CTNNA3: variants seen among roughly 807,000 people sequenced by gnomAD.
The protein encoded by CTNNA3 is catenin alpha 3.
In CTNNA3, 76 loss-of-function variants were observed where a neutral mutation model predicts 95.7. The ratio of observed to expected loss-of-function variants is 0.79; its 90% CI spans 0.66 to 0.96. CTNNA3 has a LOEUF of 0.96. Among genes scored for constraint, CTNNA3 ranks in the 40% least tolerant of loss-of-function variants. The probability of loss-of-function intolerance (pLI) is 0.00; values close to 1 mark genes in which losing one functional copy is unlikely to be tolerated. For missense variants in CTNNA3, 1,191 were observed against 1,089.8 expected (o/e 1.09, Z -1.31); for synonymous variants, 431 against 374.4 (o/e 1.15, Z -1.74).
intron 9 of CTNNA3, among the ~76,000 whole-genome samples, chr10:66,651,800 G>GGCCCTTGATTGCGGCACACAGCAGC (rs138035312): frequency 2.6e-5 from 4 of 151,348 alleles, no homozygotes; most frequent in African/African-American, 9.7e-5. Flanking sequence ...AACCCGCATT[G>GGCCCTTGATTGCGGCACACAGCAGC]GCCGGTTCCC....
chr10:67,209,187 T>G (rs1245040927), intron 6 of CTNNA3, among the ~76,000 whole-genome samples: 1 of 152,086 alleles, frequency 6.6e-6, no homozygotes, highest in Non-Finnish European at 1.5e-5. Context: ...TAGCTGGTTT[T>G]ACAGGCACAC....
intron 9 of CTNNA3, among the ~76,000 whole-genome samples, chr10:66,721,483 G>T (rs146486259): frequency 3.9e-5 from 6 of 152,082 alleles, no homozygotes; most frequent in East Asian, 3.8e-4. Flanking sequence ...TTACTAATGG[G>T]CATAAATAAT....
intron 9 of CTNNA3, among the ~76,000 whole-genome samples, chr10:66,743,276 A>C (rs547133829): frequency 6.6e-6 from 1 of 152,320 alleles, no homozygotes; most frequent in East Asian, 1.9e-4. Flanking sequence ...GTAGATACAG[A>C]ATAGTACCTA....
chr10:67,257,433 T>C (rs772905373), intron 5 of CTNNA3, among the ~76,000 whole-genome samples: 3 of 152,234 alleles, frequency 2.0e-5, no homozygotes, highest in Non-Finnish European at 2.9e-5. Flanking sequence ...ACCTGAGCAG[T>C]GTTCTTGTTT....
chr10:67,508,962 C>T (rs767774304), intron 5 of CTNNA3, among the ~76,000 whole-genome samples: 2 of 151,930 alleles, frequency 1.3e-5, no homozygotes, highest in African/African-American at 2.4e-5. Flanking sequence ...CTGCAACCTC[C>T]GCCTCCTGGG....
At chr10:66,106,477 A>C (rs1331926308) in intron 13 of CTNNA3, among the ~76,000 whole-genome samples, 1 of 151,940 alleles carries the variant, frequency 6.6e-6, no homozygotes, top group Non-Finnish European at 1.5e-5. Context: ...CCTGAATTTG[A>C]GTTCTGGTCC....
intron 14 of CTNNA3, among the ~76,000 whole-genome samples, chr10:66,077,899 T>A (rs2080604896): frequency 6.6e-6 from 1 of 151,754 alleles, no homozygotes; most frequent in Non-Finnish European, 1.5e-5. Flanking sequence ...GAAGGGTTGG[T>A]AAATTTGTTT....
rs572440652 is a variant in CTNNA3, at chr10:66,224,352, C to T, written c.1884+56118G>A. On this transcript the variant is annotated intron_variant, in intron 13 of 17. Coordinates refer to ENST00000433211, the MANE Select transcript of CTNNA3 (RefSeq NM_013266.4). ...ATCCAGTGGAGATTCAAACTAATGCCTGACACATTTTATACTCCACGCTTT... is the reference window on the plus strand; with the variant it reads ...ATCCAGTGGAGATTCAAACTAATGCTTGACACATTTTATACTCCACGCTTT... Among the ~76,000 whole-genome samples, 12 of 152,296 alleles carry T rather than the reference C, an allele frequency of 7.9e-5. No individual in the cohort carries two copies. In the South Asian group the frequency reaches 2.1e-3, roughly 26 times the overall value.
chr10:67,082,468 A>C (rs1857101451), intron 7 of CTNNA3, among the ~76,000 whole-genome samples: 2 of 152,188 alleles, frequency 1.3e-5, no homozygotes, highest in African/African-American at 4.8e-5. Context: ...ACCCCCAAGC[A>C]GATTTTGCAA....
At chr10:66,851,675 A>G (rs1290195509) in intron 7 of CTNNA3, among the ~76,000 whole-genome samples, 3 of 122,542 alleles carry the variant, frequency 2.4e-5, no homozygotes, top group African/African-American at 9.6e-5. Context: ...CACACACGCC[A>G]TGTGATATGC....
At chr10:66,057,512 T>C (rs2080111127) in intron 15 of CTNNA3, among the ~76,000 whole-genome samples, 1 of 152,226 alleles carries the variant, frequency 6.6e-6, no homozygotes, top group Admixed American at 6.6e-5. Flanking sequence ...AATCATCCTG[T>C]ACATTTTTAT....
At chr10:67,624,193 C>G (rs1843945520) in intron 2 of CTNNA3, among the ~76,000 whole-genome samples, 1 of 152,164 alleles carries the variant, frequency 6.6e-6, no homozygotes, top group South Asian at 2.1e-4. Flanking sequence ...ACTCCCTAAT[C>G]TGCCTAATGT....
chr10:66,282,079 G>C (rs904974230), intron 12 of CTNNA3, among the ~76,000 whole-genome samples: 7 of 151,834 alleles, frequency 4.6e-5, no homozygotes, highest in African/African-American at 1.7e-4. Flanking sequence ...ATTTTGAAGA[G>C]TGGATATATG....
At chr10:66,991,751 T>C (rs1420753269) in intron 7 of CTNNA3, among the ~76,000 whole-genome samples, 1 of 152,206 alleles carries the variant, frequency 6.6e-6, no homozygotes, top group East Asian at 1.9e-4. Flanking sequence ...GCCAGAACTC[T>C]GTGCTGTTTA....
chr10:67,402,695 T>C (rs1290923998), intron 5 of CTNNA3, among the ~76,000 whole-genome samples: 1 of 152,184 alleles, frequency 6.6e-6, no homozygotes, highest in African/African-American at 2.4e-5. Flanking sequence ...ATTTCTCCCA[T>C]GGATCTTTGC....
intron 5 of CTNNA3, among the ~76,000 whole-genome samples, chr10:67,472,155 A>T (rs1184934585): frequency 6.6e-6 from 1 of 152,204 alleles, no homozygotes; most frequent in Non-Finnish European, 1.5e-5. Flanking sequence ...GGAACTCACA[A>T]ACTTTTGAGA....
chr10:67,342,250 C>T (rs12259151), intron 5 of CTNNA3, among the ~76,000 whole-genome samples: 9,540 of 151,604 alleles, frequency 0.063, 408 homozygotes, highest in African/African-American at 0.12. Flanking sequence ...TACAGGCGCC[C>T]ACCACCATGC....
chr10:67,130,445 A>G (rs965050020), intron 7 of CTNNA3, among the ~76,000 whole-genome samples: 1 of 152,148 alleles, frequency 6.6e-6, no homozygotes, highest in South Asian at 2.1e-4. Flanking sequence ...AAGCTGGTCA[A>G]TGGGGAGATA....
At chr10:67,415,450 A>C (rs537540079) in intron 5 of CTNNA3, among the ~76,000 whole-genome samples, 1 of 152,352 alleles carries the variant, frequency 6.6e-6, no homozygotes, top group East Asian at 1.9e-4. Flanking sequence ...CAGGAGGTGA[A>C]AGATCTCTAT....
Sources: gnomAD v4.1 joint callset for allele counts (sites outside exome capture counted in the v4.1 genomes callset) on GRCh38, gnomAD v4.1.1 for gene constraint, MANE v1.5 for transcripts, NCBI Gene and HGNC (gene_info 2026-07-23, HGNC 2026-07-21) for gene names.